The following KIF16B variants were observed in gnomAD, a reference collection of about 807,000 sequenced individuals.
The protein encoded by KIF16B is kinesin-like protein KIF16B.
KIF16B carries 98 observed loss-of-function variants against 156.3 expected under a neutral mutation model. The ratio of observed to expected loss-of-function variants is 0.63; its 90% confidence interval spans 0.53 to 0.74. The LOEUF (loss-of-function observed/expected upper bound fraction) is 0.74. Ranked by LOEUF, KIF16B falls within the 30% of genes least tolerant of loss-of-function variation. The pLI is 0.00. For missense variants in KIF16B, 1,421 were observed against 1,606.5 expected, an observed-to-expected ratio of 0.88 and a Z score of 1.97; for synonymous variants, 564 against 583.7, an observed-to-expected ratio of 0.97 and a Z score of 0.49.
Position 16,505,722 on chromosome 20 carries a change from T to C in KIF16B, c.1000A>G (p.Thr334Ala). The change falls in exon 9 of 26, where the codon ACC becomes GCC. Residue 334 changes from threonine (T) to alanine (A), a missense_variant and splice_region_variant. Physicochemically the swap from Thr to Ala is moderately conservative, Grantham distance 58 (BLOSUM62 0). Coordinates refer to ENST00000354981, the MANE Select transcript of KIF16B (RefSeq NM_024704.5). ...GGNSKTIMIATISPADVNYGE... is the reference protein window; with the variant it reads ...GGNSKTIMIAAISPADVNYGE... The stretch of plus-strand genomic sequence containing the variant: ...CAGAAAAGTAACTTAAAACTCTTAC[T>C]GGCAATCATGATAGTTTTAGAGTTT... 4 of 1,611,932 alleles carry C rather than the reference T, an allele frequency of 2.5e-6. No homozygotes were observed. The South Asian group carries it at 3.3e-5, about 13-fold the overall frequency.
chr20:16,414,568 A>G (rs376794282), intron 15 of KIF16B, among the ~76,000 whole-genome samples: 26 of 152,266 alleles, frequency 1.7e-4, no homozygotes, highest in African/African-American at 6.0e-4. Flanking sequence ...GGGACTCTGT[A>G]GAAGAAAGAA....
chr20:16,293,927 G>T (rs187613090), intron 25 of KIF16B, among the ~76,000 whole-genome samples: 11 of 152,152 alleles, frequency 7.2e-5, no homozygotes, highest in South Asian at 6.2e-4. Context: ...GGGCTGCGGG[G>T]GGTGCATGCT....
At chr20:16,442,262 G>A (rs6111124) in intron 12 of KIF16B, among the ~76,000 whole-genome samples, 8,475 of 151,830 alleles carry the variant, frequency 0.056, 782 homozygotes, top group African/African-American at 0.19. Context: ...TGGATGCTAG[G>A]TGTTCTCACC....
Position 16,297,634 on chromosome 20 carries a change from T to C in KIF16B, c.3795+14701A>G, listed in dbSNP as rs142051074. On this transcript the variant is annotated intron_variant, in intron 25 of 25. Transcript: ENST00000354981. ...TGGCGTGAACCCAGGAGGCGGAGCT[T>C]GCAGTGAGCCTAGATCGCACTGTTG... 1.1e-3 allele frequency among the ~76,000 whole-genome samples: 164 copies of C among 149,482 alleles called. 3 individuals carry two copies. In the East Asian group the frequency reaches 0.027, roughly 25 times the overall value.
chr20:16,369,420 A>C (rs1359823121), intron 22 of KIF16B, among the ~76,000 whole-genome samples: 1 of 152,010 alleles, frequency 6.6e-6, no homozygotes, highest in East Asian at 1.9e-4. Flanking sequence ...ACATGATTAA[A>C]GAATCGATTA....
chr20:16,475,263 C>T (rs1259998544), intron 12 of KIF16B, among the ~76,000 whole-genome samples: 1 of 152,160 alleles, frequency 6.6e-6, no homozygotes, highest in Non-Finnish European at 1.5e-5. Flanking sequence ...TCACAAAGAA[C>T]TCATTTTATT....
intron 12 of KIF16B, among the ~76,000 whole-genome samples, chr20:16,436,240 C>T (rs1319838038): frequency 2.0e-5 from 3 of 152,064 alleles, no homozygotes; most frequent in Non-Finnish European, 4.4e-5. Context: ...ATATCTGTGA[C>T]GTTTCTAGTT....
intron 12 of KIF16B, among the ~76,000 whole-genome samples, chr20:16,468,453 G>A (rs1360268215): frequency 6.6e-6 from 1 of 151,686 alleles, no homozygotes; most frequent in African/African-American, 2.4e-5. Flanking sequence ...GTGGGTGCCT[G>A]TAATCCCAGC....
chr20:16,368,975 T>A (rs1336403740), intron 22 of KIF16B: 1 of 985,878 alleles, frequency 1.0e-6, no homozygotes, highest in African/African-American at 1.7e-5. Context: ...AAAGAGATTT[T>A]AGGTAGATTA....
At chr20:16,323,342 T>A (rs899256372) in intron 24 of KIF16B, among the ~76,000 whole-genome samples, 4 of 151,992 alleles carry the variant, frequency 2.6e-5, no homozygotes, top group Non-Finnish European at 4.4e-5. Flanking sequence ...CCCTAAAGGT[T>A]TGTGGCTGTA....
chr20:16,315,715 A>T (rs2063687945), intron 24 of KIF16B, among the ~76,000 whole-genome samples: 2 of 152,198 alleles, frequency 1.3e-5, no homozygotes, highest in African/African-American at 4.8e-5. Flanking sequence ...ATTCCAGGAC[A>T]TACAAAGTTA....
At chr20:16,315,461 C>A (rs561766840) in intron 24 of KIF16B, among the ~76,000 whole-genome samples, 46 of 152,216 alleles carry the variant, frequency 3.0e-4, no homozygotes, top group Non-Finnish European at 6.2e-4. Flanking sequence ...CTGTAAGGAG[C>A]GTCTGCAGTG....
chr20:16,346,158 T>A (rs988832253), intron 23 of KIF16B, among the ~76,000 whole-genome samples: 1 of 152,162 alleles, frequency 6.6e-6, no homozygotes, highest in Non-Finnish European at 1.5e-5. Context: ...CTTGACCAAC[T>A]GCAGAAATTC....
At chr20:16,453,372 T>C (rs2067135354) in intron 12 of KIF16B, among the ~76,000 whole-genome samples, 2 of 152,038 alleles carry the variant, frequency 1.3e-5, no homozygotes, top group African/African-American at 4.8e-5. Flanking sequence ...CCAGAAGCCA[T>C]AAAATAAAAT....
intron 23 of KIF16B, among the ~76,000 whole-genome samples, chr20:16,352,029 T>C (rs906707340): frequency 2.6e-5 from 4 of 152,212 alleles, no homozygotes; most frequent in East Asian, 1.9e-4. Flanking sequence ...ATAAATGCCG[T>C]TGGATCCCCT....
chr20:16,308,949 G>A (rs949274326), intron 25 of KIF16B, among the ~76,000 whole-genome samples: 1 of 152,210 alleles, frequency 6.6e-6, no homozygotes, highest in Non-Finnish European at 1.5e-5. Context: ...AGGGCTACCG[G>A]AAGGAATGTC....
At chr20:16,554,872 C>T (rs1341701142) in intron 1 of KIF16B, among the ~76,000 whole-genome samples, 3 of 152,242 alleles carry the variant, frequency 2.0e-5, no homozygotes, top group East Asian at 1.9e-4. Flanking sequence ...AGGGAGCTGG[C>T]GCCCATGCCA....
chr20:16,339,075 T>C (rs2064094747), intron 23 of KIF16B, among the ~76,000 whole-genome samples: 1 of 152,186 alleles, frequency 6.6e-6, no homozygotes, highest in Non-Finnish European at 1.5e-5. Context: ...TGCGTTTAAA[T>C]GCTCATGGAG....
chr20:16,345,481 C>G (rs1181945373), intron 23 of KIF16B, among the ~76,000 whole-genome samples: 1 of 152,174 alleles, frequency 6.6e-6, no homozygotes, highest in East Asian at 1.9e-4. Context: ...TCTGACTTAC[C>G]TGTAACTGTT....
Sources: allele counts gnomAD v4.1 joint callset (sites outside exome capture counted in the v4.1 genomes callset), GRCh38; gene constraint gnomAD v4.1.1; transcripts MANE v1.5; gene names NCBI Gene and HGNC (gene_info 2026-07-23, HGNC 2026-07-21).